Variants in LOC128092252 observed in about 807,000 individuals in gnomAD.
the LOC128092252 span, among the ~76,000 whole-genome samples, chr15:50,649,664 G>A: frequency 1.3e-5 from 2 of 152,104 alleles, no homozygotes; most frequent in African/African-American, 4.8e-5. Flanking sequence ...GGTGTCTGAG[G>A]CTGGGGTACA....
At chr15:50,686,214 G>A in the LOC128092252 span, among the ~76,000 whole-genome samples, 1 of 152,240 alleles carries the variant, frequency 6.6e-6, no homozygotes, top group South Asian at 2.1e-4. Flanking sequence ...GGCGCGCTGA[G>A]GCCGCTCAGC....
the LOC128092252 span, among the ~76,000 whole-genome samples, chr15:50,649,722 A>G: frequency 2.0e-5 from 3 of 152,202 alleles, no homozygotes; most frequent in Admixed American, 6.6e-5. Flanking sequence ...CTATAACACC[A>G]TAAGTAGGAA....
At chr15:50,662,035 T>A in the LOC128092252 span, among the ~76,000 whole-genome samples, 3 of 152,126 alleles carry the variant, frequency 2.0e-5, no homozygotes, top group African/African-American at 7.2e-5. Flanking sequence ...CTGGCCAACA[T>A]AGTAAAACCC....
the LOC128092252 span, among the ~76,000 whole-genome samples, chr15:50,680,240 T>TATAAAA: frequency 6.7e-6 from 1 of 149,560 alleles, no homozygotes; most frequent in East Asian, 2.0e-4. Context: ...TCTCAAAAAA[T>TATAAAA]ATAAAAATAA....
chr15:50,663,105 C>A, the LOC128092252 span: 1 of 1,280,894 alleles, frequency 7.8e-7, no homozygotes, highest in Non-Finnish European at 1.1e-6. Flanking sequence ...AAGAAGGAAA[C>A]AATTTCATGA....
the LOC128092252 span, among the ~76,000 whole-genome samples, chr15:50,678,066 C>A: frequency 6.7e-6 from 1 of 149,350 alleles, no homozygotes; most frequent in African/African-American, 2.5e-5. Flanking sequence ...GGTGAAACCA[C>A]GTCTCTACTA....
the LOC128092252 span, among the ~76,000 whole-genome samples, chr15:50,667,883 G>A: frequency 6.6e-6 from 1 of 152,142 alleles, no homozygotes; most frequent in African/African-American, 2.4e-5. Flanking sequence ...AATGGTGTTT[G>A]GCTTTCTTTG....
the LOC128092252 span, among the ~76,000 whole-genome samples, chr15:50,652,328 C>CAAAAA: frequency 8.8e-5 from 3 of 34,230 alleles, no homozygotes; most frequent in African/African-American, 1.4e-4. Flanking sequence ...GACTCCATCT[C>CAAAAA]AAAAAAAAAA....
the LOC128092252 span, among the ~76,000 whole-genome samples, chr15:50,666,958 AC>A: frequency 1.3e-5 from 2 of 152,142 alleles, no homozygotes; most frequent in Non-Finnish European, 2.9e-5. Context: ...ACTTGCTTTT[AC>A]TTTACTGTAT....
chr15:50,680,641 G>C, the LOC128092252 span, among the ~76,000 whole-genome samples: 1 of 151,268 alleles, frequency 6.6e-6, no homozygotes, highest in Non-Finnish European at 1.5e-5. Context: ...ACAGAAATTT[G>C]ATAGTAAAGG....
chr15:50,658,664 G>A, the LOC128092252 span, among the ~76,000 whole-genome samples: 3 of 151,490 alleles, frequency 2.0e-5, no homozygotes, highest in African/African-American at 4.9e-5. Flanking sequence ...CCCTATGGAA[G>A]GCCACTTGGC....
chr15:50,682,928 G>A, the LOC128092252 span, among the ~76,000 whole-genome samples: 1 of 150,802 alleles, frequency 6.6e-6, no homozygotes, highest in Non-Finnish European at 1.5e-5. Context: ...ACAGGGTCTG[G>A]TTCTGTTACC....
the LOC128092252 span, among the ~76,000 whole-genome samples, chr15:50,655,866 T>C: frequency 1.3e-5 from 2 of 152,078 alleles, no homozygotes; most frequent in African/African-American, 4.8e-5. Context: ...GGTGTGTGCC[T>C]GTAATCCCAG....
At chr15:50,686,683 G>T in the LOC128092252 span, 2 of 1,005,972 alleles carry the variant, frequency 2.0e-6, no homozygotes, top group Non-Finnish European at 2.8e-6. Flanking sequence ...AACTAACTCA[G>T]CTCCGGCGCT....
chr15:50,659,824 C>T, the LOC128092252 span, among the ~76,000 whole-genome samples: 14 of 152,058 alleles, frequency 9.2e-5, no homozygotes, highest in South Asian at 2.1e-4. Flanking sequence ...CCCACCACCA[C>T]GCCCAGCTAG....
chr15:50,678,239 C>CAAAAAAAAAAAAAA, the LOC128092252 span, among the ~76,000 whole-genome samples: 7 of 92,076 alleles, frequency 7.6e-5, no homozygotes, highest in Admixed American at 4.0e-4. Context: ...GACTCTCTCT[C>CAAAAAAAAAAAAAA]AAAAAAAAAA....
the LOC128092252 span, chr15:50,663,132 TC>T: frequency 9.6e-7 from 1 of 1,045,468 alleles, no homozygotes; most frequent in Non-Finnish European, 1.4e-6. Context: ...CATAAACAGT[TC>T]TTTTTTTTTT....
chr15:50,677,334 C>A, the LOC128092252 span, among the ~76,000 whole-genome samples: 2 of 152,028 alleles, frequency 1.3e-5, no homozygotes, highest in East Asian at 3.9e-4. Context: ...TCTCCAAATA[C>A]CATCACACTG....
chr15:50,670,675 C>T, the LOC128092252 span, among the ~76,000 whole-genome samples: 3 of 152,076 alleles, frequency 2.0e-5, no homozygotes, highest in African/African-American at 7.2e-5. Flanking sequence ...CCTTGCTTAG[C>T]ATATAATCAG....
Sources: allele counts gnomAD v4.1 joint callset (sites outside exome capture counted in the v4.1 genomes callset), GRCh38; gene constraint gnomAD v4.1.1; transcripts MANE v1.5.